ANO10: variants seen among roughly 807,000 people sequenced by gnomAD.
ANO10 encodes the protein anoctamin-10.
Under a neutral mutation model 74.7 loss-of-function variants are expected in ANO10, and 77 were observed. The observed-to-expected ratio is 1.03, with a 90% CI of 0.86 to 1.25. The LOEUF (loss-of-function observed/expected upper bound fraction) is 1.25. ANO10 is among the 50% of genes most tolerant of loss of function. ANO10 has a pLI of 0.00. For synonymous variants in ANO10, 279 were observed against 284.9 expected, an observed-to-expected ratio of 0.98 and a Z score of 0.21; for missense variants, 721 against 778.1, an observed-to-expected ratio of 0.93 and a Z score of 0.87.
At chr3:43,687,018 T>A (rs2084284358) in intron 1 of ANO10, among the ~76,000 whole-genome samples, 1 of 152,046 alleles carries the variant, frequency 6.6e-6, no homozygotes, top group Admixed American at 6.6e-5. Context: ...TTTTTTTTTT[T>A]TGAGAAGTCA....
chr3:43,673,364 G>C (rs1432894297), intron 1 of ANO10, among the ~76,000 whole-genome samples: 1 of 152,182 alleles, frequency 6.6e-6, no homozygotes, highest in African/African-American at 2.4e-5. Flanking sequence ...TTCAAAACGG[G>C]ATGGGGGAGA....
intron 1 of ANO10, among the ~76,000 whole-genome samples, chr3:43,681,114 A>C (rs553269598): frequency 6.6e-6 from 1 of 152,198 alleles, no homozygotes; most frequent in Non-Finnish European, 1.5e-5. Flanking sequence ...AAATGCTCCA[A>C]TTAAAAGACA....
intron 11 of ANO10, among the ~76,000 whole-genome samples, chr3:43,454,172 T>C (rs1220939282): frequency 1.3e-5 from 2 of 152,148 alleles, no homozygotes; most frequent in Non-Finnish European, 2.9e-5. Context: ...GTAAAGGCCC[T>C]GAGGCAGTAG....
At position 43,629,069 on chromosome 3, in the gene ANO10, C is replaced by T. The variant is rs775109522; in HGVS notation, c.-11-23206G>A. On this transcript the variant is annotated intron_variant, in intron 1 of 3. Transcript: ENST00000413397. ...CCCTAATAAAAACTTGCTGGTTTTG[C>T]GGCTTGTGGGGCATCACGGAACCTA... Among the ~76,000 whole-genome samples the T allele has an allele frequency of 6.6e-5, 10 of 152,240 alleles. No homozygotes were observed. In the South Asian group the frequency reaches 8.3e-4, roughly 13 times the overall value.
In ANO10 at chr3:43,373,654, G is replaced by A. The variant is rs535329279; in HGVS notation, c.1915-6680C>T. 2.0e-5 allele frequency among the ~76,000 whole-genome samples: 3 copies of A among 152,334 alleles called. No homozygotes were observed. The East Asian group carries it at 5.8e-4, about 29-fold the overall frequency. ...CAAATTACTTCCCATGGAGAGTGAG[G>A]TGCCTATAGAAGCCAGAGGCTGGCT... On this transcript the variant is annotated intron_variant, in intron 12 of 12. Transcript: ENST00000292246.
intron 11 of ANO10, among the ~76,000 whole-genome samples, chr3:43,535,268 T>TG (rs2078660759): frequency 3.0e-5 from 1 of 33,134 alleles, no homozygotes; most frequent in African/African-American, 6.6e-5. Flanking sequence ...CTAGACATTC[T>TG]TTTTTTTTTT....
chr3:43,635,651 C>T (rs1271675293), intron 1 of ANO10, among the ~76,000 whole-genome samples: 3 of 147,824 alleles, frequency 2.0e-5, no homozygotes, highest in African/African-American at 2.5e-5. Flanking sequence ...GACGGAGTCT[C>T]GCTCTTTTAC....
chr3:43,555,314 T>A lies in ANO10; in HGVS notation c.1632A>T (p.Pro544=). Residue 544 remains proline (P), a synonymous_variant, in exon 10 of 13, where the codon CCA becomes CCT. Transcript: ENST00000292246. ...CAATATTGGCTGAAGGTTCTGAGAA[T>A]GGACGTTTGAAGACCCTGCACATTT... ...ALKMCRVFKR[P]FSEPSANIGV... 1.2e-6 allele frequency: 2 copies of A among 1,614,184 alleles called. No homozygotes were observed. Among genetic ancestry groups the A allele is most frequent in the Non-Finnish European group, 1.7e-6 (2 of 1,180,026 alleles).
intron 1 of ANO10, chr3:43,690,835 C>T: frequency 1.5e-6 from 1 of 649,676 alleles, no homozygotes; most frequent in Non-Finnish European, 2.3e-6. Context: ...CAAGGCCGCG[C>T]ACGCGCAAAC....
rs375470443 is a variant in ANO10, at chr3:43,577,064, C to T, written c.790G>A (p.Gly264Ser). 4.0e-5 allele frequency: 64 copies of T among 1,614,188 alleles called. No homozygotes were observed. In the African/African-American group the frequency reaches 6.9e-4, roughly 17 times the overall value. Reference sequence around the variant, plus strand: ...CACCTGTAGGTCATGTTGGCACAGCCACGCTTCCACAGTTCCAGAATCACC... The same window carrying T: ...CACCTGTAGGTCATGTTGGCACAGCTACGCTTCCACAGTTCCAGAATCACC... ...STVILELWKR[G>S]CANMTYRWGT... Residue 264 changes from glycine to serine, a missense_variant, in exon 6 of 13, where the codon GGC becomes AGC. By Grantham distance (56) the Gly-to-Ser change is moderately conservative. Coordinates refer to ENST00000292246, the MANE Select transcript of ANO10 (RefSeq NM_018075.5).
intron 1 of ANO10, among the ~76,000 whole-genome samples, chr3:43,671,626 T>C (rs2084060548): frequency 2.0e-5 from 3 of 152,204 alleles, no homozygotes; most frequent in African/African-American, 7.2e-5. Context: ...CTACAGGTGT[T>C]ATCATGATAA....
intron 7 of ANO10, among the ~76,000 whole-genome samples, chr3:43,567,545 A>C (rs1008348724): frequency 6.6e-6 from 1 of 152,152 alleles, no homozygotes; most frequent in African/African-American, 2.4e-5. Context: ...TCTTAAAGAA[A>C]AGAATTTTCA....
intron 11 of ANO10, among the ~76,000 whole-genome samples, chr3:43,503,998 T>A (rs1344210921): frequency 6.6e-6 from 1 of 152,058 alleles, no homozygotes; most frequent in Non-Finnish European, 1.5e-5. Context: ...GTGTGGTGGC[T>A]CACACCTATA....
intron 12 of ANO10, among the ~76,000 whole-genome samples, chr3:43,428,554 G>A (rs946486347): frequency 2.3e-5 from 3 of 131,628 alleles, no homozygotes; most frequent in African/African-American, 5.2e-5. Flanking sequence ...AGCTATGAAC[G>A]TTCTATTAGA....
chr3:43,634,054 C>A (rs574544300), intron 1 of ANO10, among the ~76,000 whole-genome samples: 1 of 147,266 alleles, frequency 6.8e-6, no homozygotes, highest in East Asian at 2.0e-4. Context: ...ACACAAACAT[C>A]TTCCAAAAGA....
At chr3:43,653,075 G>GT (rs995037225) in intron 1 of ANO10, 2 of 152,056 alleles carry the variant, frequency 1.3e-5, no homozygotes, top group Non-Finnish European at 2.9e-5. Flanking sequence ...GCTGAGCATG[G>GT]TGGCACATGC....
chr3:43,476,323 C>A (rs2076064686), intron 11 of ANO10, among the ~76,000 whole-genome samples: 2 of 152,058 alleles, frequency 1.3e-5, no homozygotes, highest in South Asian at 2.1e-4. Flanking sequence ...ATCCATGTAC[C>A]CATTCTGTGA....
chr3:43,386,793 G>A (rs1234018951), intron 12 of ANO10, among the ~76,000 whole-genome samples: 3 of 151,994 alleles, frequency 2.0e-5, no homozygotes, highest in African/African-American at 7.2e-5. Flanking sequence ...TGCATCCCTG[G>A]ACTCTACAGG....
chr3:43,551,481 C>A, intron 10 of ANO10: 2 of 455,346 alleles, frequency 4.4e-6, no homozygotes, highest in Non-Finnish European at 8.8e-6. Context: ...CCTGTGAAAC[C>A]ACCACCACCA....
Sources: allele counts gnomAD v4.1 joint callset (sites outside exome capture counted in the v4.1 genomes callset), GRCh38; gene constraint gnomAD v4.1.1; transcripts MANE v1.5; gene names NCBI Gene and HGNC (gene_info 2026-07-23, HGNC 2026-07-21).